Variants in CCNY observed in about 807,000 individuals in gnomAD.
CCNY encodes cyclin Y.
A neutral mutation model predicts 42.8 loss-of-function variants in CCNY; 19 were observed. The ratio of observed to expected loss-of-function variants is 0.44; its 90% CI spans 0.31 to 0.65. The LOEUF (loss-of-function observed/expected upper bound fraction) is 0.65. Among genes scored for constraint, CCNY ranks in the 30% least tolerant of loss-of-function variants. The pLI is 0.07. For missense variants in CCNY, 370 were observed against 437.3 expected, an observed-to-expected ratio of 0.85 and a Z score of 1.37; for synonymous variants, 165 against 162.7, an observed-to-expected ratio of 1.01 and a Z score of -0.11.
chr10:35,284,501 A>G (rs947917386), intron 3 of CCNY, among the ~76,000 whole-genome samples: 11 of 152,000 alleles, frequency 7.2e-5, no homozygotes, highest in Non-Finnish European at 1.6e-4. Flanking sequence ...AATATGGGTA[A>G]TTTGTGTTTT....
chr10:35,391,588 A>G (rs1336046126), intron 1 of CCNY, among the ~76,000 whole-genome samples: 1 of 152,204 alleles, frequency 6.6e-6, no homozygotes, highest in African/African-American at 2.4e-5. Context: ...AGCTGAACCT[A>G]CTGACATACT....
intron 2 of CCNY, among the ~76,000 whole-genome samples, chr10:35,483,860 GTAC>G (rs1457369275): frequency 6.6e-6 from 1 of 152,176 alleles, no homozygotes; most frequent in Non-Finnish European, 1.5e-5. Flanking sequence ...TTAAATAAAA[GTAC>G]CACCAACTAG....
chr10:35,247,403 A>G (rs2095708736), intron 1 of CCNY, among the ~76,000 whole-genome samples: 1 of 151,712 alleles, frequency 6.6e-6, no homozygotes, highest in African/African-American at 2.4e-5. Context: ...AGAACAACAT[A>G]GTGAGACCCT....
At chr10:35,370,825 C>A (rs1836919012) in intron 1 of CCNY, among the ~76,000 whole-genome samples, 1 of 151,702 alleles carries the variant, frequency 6.6e-6, no homozygotes, top group African/African-American at 2.4e-5. Flanking sequence ...ATGCCATTCT[C>A]CTGCCTCAGC....
chr10:35,258,589 T>C (rs965634266), intron 3 of CCNY, among the ~76,000 whole-genome samples: 2 of 152,174 alleles, frequency 1.3e-5, no homozygotes, highest in African/African-American at 2.4e-5. Context: ...AGATTCCTAA[T>C]AGTTGGAGGA....
chr10:35,248,892 C>T (rs1047724042), intron 2 of CCNY, among the ~76,000 whole-genome samples: 1 of 152,168 alleles, frequency 6.6e-6, no homozygotes, highest in Non-Finnish European at 1.5e-5. Flanking sequence ...GCAATGTTTG[C>T]TTAGGAAGTG....
chr10:35,476,972 A>G (rs2135354932), intron 1 of CCNY, among the ~76,000 whole-genome samples: 1 of 152,304 alleles, frequency 6.6e-6, no homozygotes, highest in South Asian at 2.1e-4. Flanking sequence ...CCAATCCCAC[A>G]GAAATACAAA....
chr10:35,511,388 A>AG (rs1308947301), intron 3 of CCNY, among the ~76,000 whole-genome samples: 1 of 152,160 alleles, frequency 6.6e-6, no homozygotes, highest in Non-Finnish European at 1.5e-5. Flanking sequence ...GAACACACAG[A>AG]GGGGTACCCA....
At chr10:35,381,604 A>T (rs2135193573) in intron 1 of CCNY, among the ~76,000 whole-genome samples, 1 of 151,406 alleles carries the variant, frequency 6.6e-6, no homozygotes, top group South Asian at 2.1e-4. Flanking sequence ...TGCAACATGG[A>T]GGTTAAATCT....
chr10:35,490,094 AC>A (rs1839866938), intron 2 of CCNY, among the ~76,000 whole-genome samples: 1 of 152,180 alleles, frequency 6.6e-6, no homozygotes, highest in Non-Finnish European at 1.5e-5. Flanking sequence ...TCTGCCATTC[AC>A]AGTGCCAGGC....
At chr10:35,257,215 C>T (rs917688453) in intron 3 of CCNY, among the ~76,000 whole-genome samples, 4 of 124,874 alleles carry the variant, frequency 3.2e-5, no homozygotes, top group African/African-American at 1.3e-4. Context: ...TTTCTTTTCT[C>T]CTCCCTCCCT....
chr10:35,295,666 C>A (rs1287260351), intron 3 of CCNY, among the ~76,000 whole-genome samples: 1 of 152,016 alleles, frequency 6.6e-6, no homozygotes, highest in Non-Finnish European at 1.5e-5. Context: ...TTGTGTCTGG[C>A]TTATTTCTCT....
At chr10:35,283,917 C>G (rs1031204523) in intron 3 of CCNY, among the ~76,000 whole-genome samples, 3 of 152,132 alleles carry the variant, frequency 2.0e-5, no homozygotes, top group African/African-American at 7.2e-5. Context: ...AATCCCGTCT[C>G]TACTAAAACT....
intron 2 of CCNY, among the ~76,000 whole-genome samples, chr10:35,491,645 G>A (rs1043981960): frequency 6.6e-6 from 1 of 151,816 alleles, no homozygotes; most frequent in African/African-American, 2.4e-5. Context: ...TTTTTGAGAC[G>A]CTCTGTCGCC....
intron 2 of CCNY, among the ~76,000 whole-genome samples, chr10:35,496,303 A>T (rs1011443502): frequency 2.6e-5 from 4 of 152,244 alleles, no homozygotes; most frequent in Non-Finnish European, 5.9e-5. Context: ...GATGCCAAGG[A>T]TGCCTGTGCA....
intron 1 of CCNY, among the ~76,000 whole-genome samples, chr10:35,345,466 C>CA (rs568926736): frequency 6.6e-3 from 450 of 67,994 alleles, no homozygotes; most frequent in East Asian, 0.026. Flanking sequence ...GACTCCATCT[C>CA]AAAAAAAAAA....
At chr10:35,330,968 C>T (rs1197750871) in intron 3 of CCNY, among the ~76,000 whole-genome samples, 1 of 152,198 alleles carries the variant, frequency 6.6e-6, no homozygotes, top group Non-Finnish European at 1.5e-5. Context: ...CCATGTTGGC[C>T]AGGCTGGTCT....
chr10:35,251,590 T>TA (rs1491386908), intron 3 of CCNY, among the ~76,000 whole-genome samples: 3 of 57,722 alleles, frequency 5.2e-5, no homozygotes, highest in Admixed American at 2.9e-4. Context: ...TCAATGTCAC[T>TA]TTTTTTTTTT....
intron 3 of CCNY, chr10:35,289,491 A>G (rs1835388029): frequency 6.6e-6 from 1 of 152,210 alleles, no homozygotes; most frequent in South Asian, 2.1e-4. Context: ...TTTACCATTA[A>G]GTATGTTTTA....
Sources: allele counts gnomAD v4.1 joint callset (sites outside exome capture counted in the v4.1 genomes callset), GRCh38; gene constraint gnomAD v4.1.1; transcripts MANE v1.5; gene names NCBI Gene and HGNC (gene_info 2026-07-23, HGNC 2026-07-21).